ANO2: variants seen among roughly 807,000 people sequenced by gnomAD.
ANO2 encodes the protein anoctamin-2.
Under a neutral mutation model 124.2 loss-of-function variants are expected in ANO2, and 101 were observed. The ratio of observed to expected loss-of-function variants is 0.81; its 90% CI spans 0.69 to 0.96. The LOEUF (loss-of-function observed/expected upper bound fraction) is 0.96. Among genes scored for constraint, ANO2 ranks in the 40% least tolerant of loss-of-function variants. ANO2 has a pLI of 0.00. For missense variants in ANO2, 1,293 were observed against 1,274.5 expected (o/e 1.01, Z -0.22); for synonymous variants, 486 against 482.5 (o/e 1.01, Z -0.09).
At chr12:5,642,466 T>G (rs1591804562) in intron 15 of ANO2, among the ~76,000 whole-genome samples, 1 of 152,290 alleles carries the variant, frequency 6.6e-6, no homozygotes, top group East Asian at 1.9e-4. Context: ...TACCACATGA[T>G]CAAATTCTTT....
chr12:5,608,354 G>T lies in ANO2; in HGVS notation c.2087+4302C>A, dbSNP rs1944319615. 2.6e-5 allele frequency among the ~76,000 whole-genome samples: 4 copies of T among 151,006 alleles called. No homozygotes were observed. In the South Asian group the frequency reaches 8.5e-4, roughly 32 times the overall value. ...TGTACAAATTATAAAGAACTTTGGGGATAAAAGATCCTAGGATTTGGCAAA... is the reference window on the plus strand; with the variant it reads ...TGTACAAATTATAAAGAACTTTGGGTATAAAAGATCCTAGGATTTGGCAAA... On this transcript the variant is annotated intron_variant, in intron 19 of 24. Coordinates refer to ENST00000682330, the MANE Select transcript of ANO2 (RefSeq NM_001364791.2).
intron 20 of ANO2, among the ~76,000 whole-genome samples, chr12:5,595,360 T>C (rs1471174390): frequency 7.0e-6 from 1 of 141,984 alleles, no homozygotes; most frequent in Non-Finnish European, 1.6e-5. Context: ...AACACTACAC[T>C]CTACTGTTTT....
chr12:5,855,124 CCTT>C (rs1226199655), intron 3 of ANO2, among the ~76,000 whole-genome samples: 5 of 152,158 alleles, frequency 3.3e-5, no homozygotes, highest in Non-Finnish European at 1.5e-5. Flanking sequence ...TGTTTAAACT[CCTT>C]CACTGTGTTC....
intron 16 of ANO2, among the ~76,000 whole-genome samples, chr12:5,622,541 T>A (rs185804350): frequency 2.6e-5 from 4 of 152,112 alleles, no homozygotes; most frequent in African/African-American, 9.7e-5. Flanking sequence ...GGGAAGCACC[T>A]CCCAGTGAGG....
At chr12:5,686,724 G>A (rs1385287612) in intron 14 of ANO2, among the ~76,000 whole-genome samples, 6 of 152,364 alleles carry the variant, frequency 3.9e-5, no homozygotes, top group African/African-American at 1.4e-4. Context: ...AAGGACACCA[G>A]CTGCGCTGAC....
At chr12:5,693,043 C>T (rs1949011938) in intron 14 of ANO2, among the ~76,000 whole-genome samples, 1 of 152,124 alleles carries the variant, frequency 6.6e-6, no homozygotes. Flanking sequence ...TACTTCGGCG[C>T]ATCCATCATC....
intron 23 of ANO2, among the ~76,000 whole-genome samples, chr12:5,567,037 G>A (rs915167959): frequency 1.3e-5 from 2 of 152,136 alleles, no homozygotes; most frequent in African/African-American, 4.8e-5. Context: ...AAAAAGAGAC[G>A]CACACACAAA....
intron 10 of ANO2, among the ~76,000 whole-genome samples, chr12:5,758,364 T>C (rs1361208285): frequency 6.6e-6 from 1 of 152,198 alleles, no homozygotes; most frequent in East Asian, 1.9e-4. Context: ...TTTCTGAGGC[T>C]TGAGTGCACA....
rs113271594 is a variant in ANO2 at position 5,922,589 on chromosome 12, T to TC, written c.207+30dup. 8,220 of 1,449,526 alleles carry TC rather than the reference T, an allele frequency of 5.7e-3. 490 individuals carry two copies. The African/African-American group carries it at 0.1, about 18-fold the overall frequency. 89.8% of individuals were successfully genotyped at this position (1,449,526 alleles called of 1,614,324 possible). On this transcript the variant is annotated intron_variant, in intron 2 of 24. Transcript: ENST00000682330. ...GGTGGCCTGCAACAGGGCTGGCCTA[T>TC]CCCCCCACCCCACCCCCGCCCAGTA...
intron 7 of ANO2, among the ~76,000 whole-genome samples, chr12:5,812,235 G>A (rs1953412778): frequency 7.0e-6 from 1 of 141,960 alleles, no homozygotes; most frequent in African/African-American, 2.6e-5. Context: ...GAAGGGGGAA[G>A]GGGAAGGGGA....
chr12:5,668,440 G>T (rs967501036), intron 14 of ANO2, among the ~76,000 whole-genome samples: 1 of 151,606 alleles, frequency 6.6e-6, no homozygotes, highest in Non-Finnish European at 1.5e-5. Flanking sequence ...GCAGATTCTG[G>T]ATATTAAACC....
intron 14 of ANO2, among the ~76,000 whole-genome samples, chr12:5,676,590 T>A (rs1162815994): frequency 6.6e-6 from 1 of 152,196 alleles, no homozygotes; most frequent in Non-Finnish European, 1.5e-5. Context: ...AAAGAACTTA[T>A]GTGAGTTTCC....
chr12:5,793,387 G>T (rs1952754272), intron 10 of ANO2, among the ~76,000 whole-genome samples: 2 of 152,132 alleles, frequency 1.3e-5, no homozygotes, highest in Non-Finnish European at 1.5e-5. Context: ...CAACTGTCTG[G>T]CCTCTAAGCT....
In ANO2 at chr12:5,823,369, G is replaced by T. The variant is rs1052345277; in HGVS notation, c.892+4400C>A. On this transcript the variant is annotated intron_variant, in intron 7 of 24. Coordinates refer to ENST00000682330, the MANE Select transcript of ANO2 (RefSeq NM_001364791.2). ...ATGCTAGTTACTTCCGAGATAAAATGGGGGTACAGGTATTTGGTAAATACA... is the reference window on the plus strand; with the variant it reads ...ATGCTAGTTACTTCCGAGATAAAATTGGGGTACAGGTATTTGGTAAATACA... 1.8e-4 allele frequency among the ~76,000 whole-genome samples: 27 copies of T among 152,332 alleles called. 1 individual carries two copies. The highest frequency in any genetic ancestry group is 5.5e-4 in the African/African-American group (23 of 41,578).
At chr12:5,654,685 C>T (rs1217839516) in intron 14 of ANO2, among the ~76,000 whole-genome samples, 1 of 152,142 alleles carries the variant, frequency 6.6e-6, no homozygotes, top group Non-Finnish European at 1.5e-5. Context: ...TAATGTCAAC[C>T]CTACTTCACT....
At chr12:5,592,985 G>A (rs1943481076) in intron 20 of ANO2, among the ~76,000 whole-genome samples, 1 of 152,196 alleles carries the variant, frequency 6.6e-6, no homozygotes, top group South Asian at 2.1e-4. Context: ...CCTTGACACG[G>A]TGATTTCTAC....
In ANO2 at chr12:5,862,580, G is replaced by A. The variant is rs1261556109; in HGVS notation, c.535-8439C>T. Among the ~76,000 whole-genome samples the A allele has an allele frequency of 6.6e-6, 1 of 152,124 alleles. No individual in the cohort carries two copies. Among genetic ancestry groups the A allele is most frequent in the Non-Finnish European group, 1.5e-5 (1 of 68,022 alleles). On this transcript the variant is annotated intron_variant, in intron 3 of 24. Coordinates refer to ENST00000682330, the MANE Select transcript of ANO2 (RefSeq NM_001364791.2). The surrounding 1 kb of genome is among the most constrained non-coding windows in gnomAD (Gnocchi z 4.0). Reference sequence around the variant, plus strand: ...AAGAGGAAGCAGTGAGGGGAGCCCAGGGAGACTGAGGAGTCCAACCCTCTG... The same window carrying A: ...AAGAGGAAGCAGTGAGGGGAGCCCAAGGAGACTGAGGAGTCCAACCCTCTG...
At chr12:5,622,083 C>G (rs1313551968) in intron 16 of ANO2, among the ~76,000 whole-genome samples, 1 of 152,092 alleles carries the variant, frequency 6.6e-6, no homozygotes, top group Non-Finnish European at 1.5e-5. Context: ...GTAATCAGAT[C>G]TGAGGGTCCG....
At chr12:5,778,925 T>C (rs931193757) in intron 10 of ANO2, among the ~76,000 whole-genome samples, 5 of 152,232 alleles carry the variant, frequency 3.3e-5, no homozygotes, top group African/African-American at 9.6e-5. Flanking sequence ...GGTATGGATC[T>C]TGTCTGATTT....
Sources: gnomAD v4.1 joint callset for allele counts (sites outside exome capture counted in the v4.1 genomes callset) on GRCh38, gnomAD v4.1.1 for gene constraint, Gnocchi (gnomAD v3.1) non-coding constraint, MANE v1.5 for transcripts, NCBI Gene and HGNC (gene_info 2026-07-23, HGNC 2026-07-21) for gene names.